CSF2RA: variants seen among roughly 807,000 people sequenced by gnomAD.
CSF2RA encodes colony stimulating factor 2 receptor subunit alpha, also known as granulocyte-macrophage colony-stimulating factor receptor subunit alpha.
A neutral mutation model predicts 51.6 loss-of-function variants in CSF2RA; 42 were observed. The ratio of observed to expected loss-of-function variants is 0.81; its 90% CI spans 0.64 to 1.05. The LOEUF (loss-of-function observed/expected upper bound fraction) is 1.05. Among genes scored for constraint, CSF2RA ranks in the 50% least tolerant of loss-of-function variants. The pLI is 0.00. For synonymous variants in CSF2RA, 222 were observed against 193.0 expected, an observed-to-expected ratio of 1.15 and a Z score of -1.24; for missense variants, 530 against 501.1, an observed-to-expected ratio of 1.06 and a Z score of -0.55.
intron 2 of CSF2RA, among the ~76,000 whole-genome samples, chrX:1,281,436 C>T (rs1360964132): frequency 6.9e-6 from 1 of 143,946 alleles, no homozygotes; most frequent in Non-Finnish European, 1.5e-5. Flanking sequence ...CCTCCTTCTT[C>T]TCCTCCTCCT....
downstream of CSF2RA, among the ~76,000 whole-genome samples, chrX:1,313,430 G>T (rs1297163181): frequency 1.4e-4 from 21 of 151,020 alleles, no homozygotes; most frequent in African/African-American, 4.4e-4. Context: ...AGGAGCTGTG[G>T]TCAGGCACAG....
rs1361749571 is a variant in CSF2RA at position 1,274,676 on chromosome X, C to A, written c.-90-79C>A. The stretch of plus-strand genomic sequence containing the variant: ...TAGTACCTTATTTACGAATAAAATG[C>A]GAGGCAGGTTTGCCTAAGACAGTTT... On this transcript the variant is annotated intron_variant, in intron 1 of 12. Coordinates refer to ENST00000381529, the MANE Select transcript of CSF2RA (RefSeq NM_172245.4). The A allele has an allele frequency of 1.3e-5, 6 of 447,806 alleles. No individual in the cohort carries two copies. In the Admixed American group the frequency reaches 1.4e-4, roughly 11 times the overall value. The allele number at this position is 447,806 out of a possible 1,614,324, so 27.7% of individuals were successfully genotyped here.
intron 2 of CSF2RA, among the ~76,000 whole-genome samples, chrX:1,276,779 G>A (rs1189732733): frequency 6.6e-6 from 1 of 152,032 alleles, no homozygotes; most frequent in Non-Finnish European, 1.5e-5. Flanking sequence ...TCTTGTCTGG[G>A]GAGGCATATC....
the CSF2RA span, among the ~76,000 whole-genome samples, chrX:1,323,235 C>T: frequency 4.2e-5 from 6 of 143,874 alleles, no homozygotes; most frequent in South Asian, 2.2e-4. Context: ...GAAGATGAAC[C>T]GGGAGCGGTG....
In CSF2RA at chrX:1,290,517, TAAC is replaced by T; in HGVS notation, c.646+10_646+12del. ...TGGACACAAAGAAAATAGGTGAGAA[TAAC>T]ACATATGATTTTCCTATTGTTTATA... On this transcript the variant is annotated intron_variant, in intron 7 of 12. Transcript: ENST00000381529. The T allele has an allele frequency of 1.2e-6, 2 of 1,612,998 alleles. No homozygotes were observed. Among genetic ancestry groups the T allele is most frequent in the Non-Finnish European group, 1.7e-6 (2 of 1,179,018 alleles).
chrX:1,295,547 CTCA>C, intron 9 of CSF2RA, 91 bp downstream of exon 9: 1 of 944,880 alleles, frequency 1.1e-6, no homozygotes, highest in Non-Finnish European at 1.6e-6. Flanking sequence ...CAGTCCCCTA[CTCA>C]TGACCCCTAC....
downstream of CSF2RA, chrX:1,310,483 A>G (rs1477276709): frequency 1.3e-5 from 2 of 151,888 alleles, no homozygotes; most frequent in African/African-American, 4.8e-5. Context: ...CCTGGCTAAC[A>G]TAGTGAAACC....
rs755347619 is a variant in CSF2RA, at chrX:1,286,595, C to G, written c.219+675C>G. On this transcript the variant is annotated intron_variant, in intron 4 of 12. Coordinates refer to ENST00000381529, the MANE Select transcript of CSF2RA (RefSeq NM_172245.4). ...CAAAAAAAAAAAAAAATAATAAATT[C>G]AATTAAATAAAAGCGAGAGGGCCAC... Among the ~76,000 whole-genome samples the G allele has an allele frequency of 1.4e-3, 219 of 151,468 alleles. 2 individuals are homozygous for G. The highest frequency in any genetic ancestry group is 4.9e-3 in the African/African-American group (200 of 41,222).
At chrX:1,322,898 G>A in the CSF2RA span, among the ~76,000 whole-genome samples, 4 of 151,788 alleles carry the variant, frequency 2.6e-5, no homozygotes, top group Admixed American at 2.6e-4. Context: ...GGGAGGCCAA[G>A]ACAGGCAGAT....
rs1361370855 is a variant in CSF2RA at position 1,268,825 on chromosome X, G to T, written c.-145G>T. On this transcript the variant is annotated 5_prime_UTR_variant, in exon 1 of 13. Coordinates refer to ENST00000381529, the MANE Select transcript of CSF2RA (RefSeq NM_172245.4). ...CTCTGAAGGGAGCTACTCAGAAGCG[G>T]GAGTCTCCGAGAGAAGAAAAGCAGG... The T allele has an allele frequency of 2.2e-6, 1 of 454,034 alleles. No homozygotes were observed. Among genetic ancestry groups the T allele is most frequent in the Non-Finnish European group, 4.4e-6 (1 of 226,790 alleles). The allele number at this position is 454,034 out of a possible 1,614,324, so 28.1% of individuals were successfully genotyped here. A position where few individuals can be genotyped will look rare whatever the true frequency, so the allele number is the denominator to read the frequency against.
chrX:1,269,019 G>C (rs1347342215), intron 1 of CSF2RA, 140 bp downstream of exon 1: 2 of 387,144 alleles, frequency 5.2e-6, no homozygotes, highest in Non-Finnish European at 1.0e-5. Context: ...CCGAAGTGGG[G>C]ACAGCGGCCC....
the CSF2RA span, among the ~76,000 whole-genome samples, chrX:1,322,900 C>T: frequency 2.6e-5 from 4 of 151,474 alleles, no homozygotes; most frequent in African/African-American, 2.4e-5. Context: ...GAGGCCAAGA[C>T]AGGCAGATCA....
chrX:1,286,561 C>T (rs1319543214), intron 4 of CSF2RA, among the ~76,000 whole-genome samples: 50 of 129,898 alleles, frequency 3.8e-4, no homozygotes, highest in Admixed American at 7.3e-4. Context: ...AAGAGCAAAA[C>T]TCTGTCTCCA....
At chrX:1,296,610 C>G (rs373516784) in intron 9 of CSF2RA, among the ~76,000 whole-genome samples, 25 of 28,992 alleles carry the variant, frequency 8.6e-4, no homozygotes, top group African/African-American at 1.1e-3. Context: ...GACCCCTACA[C>G]TCTCCTACCC....
chrX:1,306,189 A>C (rs1207125715), intron 12 of CSF2RA, among the ~76,000 whole-genome samples: 1 of 151,830 alleles, frequency 6.6e-6, no homozygotes, highest in Non-Finnish European at 1.5e-5. Flanking sequence ...TGTAGAAGAG[A>C]ATGAGGAGAC....
chrX:1,291,367 C>G (rs2091385077), intron 7 of CSF2RA, among the ~76,000 whole-genome samples: 1 of 146,758 alleles, frequency 6.8e-6, no homozygotes, highest in African/African-American at 2.5e-5. Context: ...CCCTCCCTCT[C>G]TCCCTCCCTT....
chrX:1,311,305 C>G, downstream of CSF2RA, among the ~76,000 whole-genome samples: 1 of 151,984 alleles, frequency 6.6e-6, no homozygotes, highest in East Asian at 1.9e-4. Context: ...CTGCCTCTTG[C>G]CACCTCTCCC....
the CSF2RA span, among the ~76,000 whole-genome samples, chrX:1,316,716 C>T: frequency 6.6e-6 from 1 of 152,176 alleles, no homozygotes; most frequent in Non-Finnish European, 1.5e-5. Flanking sequence ...AGATCAACAG[C>T]ACCACCACCT....
chrX:1,324,352 AGGAAAAAGAG>A, the CSF2RA span, among the ~76,000 whole-genome samples: 1 of 149,804 alleles, frequency 6.7e-6, no homozygotes, highest in Admixed American at 6.8e-5. Flanking sequence ...GAAGGAAGGA[AGGAAAAAGAG>A]AAAGGAAAGA....
Sources: allele counts gnomAD v4.1 joint callset (sites outside exome capture counted in the v4.1 genomes callset), GRCh38; gene constraint gnomAD v4.1.1; transcripts MANE v1.5; gene names NCBI Gene and HGNC (gene_info 2026-07-23, HGNC 2026-07-21).